Variants in LDB2 observed in about 807,000 individuals in gnomAD.
LDB2 encodes LIM domain-binding protein 2.
In LDB2, 12 loss-of-function variants were observed where a neutral mutation model predicts 44.3. That is an observed-to-expected ratio of 0.27 (90% CI 0.17 to 0.44). The LOEUF is 0.44. Ranked by LOEUF, LDB2 falls within the 20% of genes least tolerant of loss-of-function variation. The pLI, the probability that LDB2 is intolerant of heterozygous loss-of-function variation, is 1.00. For synonymous variants in LDB2, 164 were observed against 174.8 expected (o/e 0.94, Z 0.49); for missense variants, 344 against 473.5 (o/e 0.73, Z 2.54).
At position 16,880,732 on chromosome 4, in the gene LDB2, G is replaced by A. The variant is rs185258101; in HGVS notation, c.132+17622C>T. On this transcript the variant is annotated intron_variant, in intron 1 of 7. Transcript: ENST00000304523. ...CATCCTGGCTAACACAGTGAAATCC[G>A]TCTCTACTAAAAATACAAAAAATTA... 2.7e-3 allele frequency among the ~76,000 whole-genome samples: 415 copies of A among 151,944 alleles called. 3 individuals are homozygous for A. The highest frequency in any genetic ancestry group is 9.5e-3 in the African/African-American group (395 of 41,470).
At chr4:16,763,528 A>T (rs185578866) in intron 1 of LDB2, among the ~76,000 whole-genome samples, 20 of 151,736 alleles carry the variant, frequency 1.3e-4, no homozygotes, top group African/African-American at 4.8e-4. Context: ...TATTTAGGAA[A>T]GGAATAAAAG....
chr4:16,824,017 G>A (rs1169970192), intron 1 of LDB2, among the ~76,000 whole-genome samples: 2 of 152,282 alleles, frequency 1.3e-5, no homozygotes, highest in South Asian at 2.1e-4. Flanking sequence ...GTTACTGTGC[G>A]GCACTGCAAA....
At chr4:16,572,570 T>G (rs1000946852) in intron 5 of LDB2, among the ~76,000 whole-genome samples, 6 of 152,206 alleles carry the variant, frequency 3.9e-5, no homozygotes, top group Non-Finnish European at 7.3e-5. Flanking sequence ...TATATGTATT[T>G]GTTGTTTTGT....
At chr4:16,675,668 C>G (rs1560843015) in intron 2 of LDB2, among the ~76,000 whole-genome samples, 1 of 152,022 alleles carries the variant, frequency 6.6e-6, no homozygotes, top group Non-Finnish European at 1.5e-5. Context: ...GCCTTGATCC[C>G]AAAGTCACTC....
intron 2 of LDB2, among the ~76,000 whole-genome samples, chr4:16,601,410 T>C (rs1237274307): frequency 6.6e-6 from 1 of 152,150 alleles, no homozygotes; most frequent in Non-Finnish European, 1.5e-5. Flanking sequence ...GACAATTCAC[T>C]TCCAAGAAAC....
intron 2 of LDB2, among the ~76,000 whole-genome samples, chr4:16,696,915 G>A (rs1752249774): frequency 6.6e-6 from 1 of 151,940 alleles, no homozygotes; most frequent in African/African-American, 2.4e-5. Flanking sequence ...ATATATTTTG[G>A]GGAAAAAGTC....
chr4:16,509,251 T>C (rs1720773052), intron 6 of LDB2, among the ~76,000 whole-genome samples: 2 of 152,146 alleles, frequency 1.3e-5, no homozygotes, highest in Admixed American at 6.6e-5. Context: ...CCATCAGCTG[T>C]GGATGTGGAG....
At chr4:16,530,944 G>T (rs182435203) in intron 5 of LDB2, among the ~76,000 whole-genome samples, 2 of 152,244 alleles carry the variant, frequency 1.3e-5, no homozygotes, top group East Asian at 3.9e-4. Context: ...ATTCATAAAT[G>T]ATCTCATTTT....
chr4:16,564,472 G>C (rs1041705528), intron 5 of LDB2, among the ~76,000 whole-genome samples: 1 of 152,206 alleles, frequency 6.6e-6, no homozygotes, highest in African/African-American at 2.4e-5. Context: ...ATTCAGTGAA[G>C]GGGACCAGCA....
chr4:16,759,115 G>T, intron 2 of LDB2, 43 bp downstream of exon 2: 4 of 1,372,366 alleles, frequency 2.9e-6, no homozygotes, highest in Non-Finnish European at 4.2e-6. Context: ...TTTCTTACAG[G>T]CACAAAACGA....
At chr4:16,725,472 C>T (rs1195154404) in intron 2 of LDB2, among the ~76,000 whole-genome samples, 1 of 152,240 alleles carries the variant, frequency 6.6e-6, no homozygotes, top group East Asian at 1.9e-4. Context: ...GAAGCCGGAT[C>T]CCGCTATCTC....
chr4:16,771,930 G>A (rs191952049), intron 1 of LDB2, among the ~76,000 whole-genome samples: 27 of 152,278 alleles, frequency 1.8e-4, no homozygotes, highest in African/African-American at 4.6e-4. Flanking sequence ...TCTATGGTTC[G>A]TCATTGCTGT....
chr4:16,555,195 G>C (rs1252960380), intron 5 of LDB2, among the ~76,000 whole-genome samples: 2 of 151,476 alleles, frequency 1.3e-5, no homozygotes, highest in African/African-American at 4.9e-5. Context: ...ATTGGTCTGG[G>C]ATGTGGTCTG....
chr4:16,821,768 A>AAAAAAAAAAAAAAAAAAAAAAG (rs1782113007), intron 1 of LDB2, among the ~76,000 whole-genome samples: 1 of 150,204 alleles, frequency 6.7e-6, no homozygotes, highest in Non-Finnish European at 1.5e-5. Flanking sequence ...AAAAAAAAAA[A>AAAAAAAAAAAAAAAAAAAAAAG]AATCAGGAAT....
At chr4:16,728,004 C>T (rs1759890772) in intron 2 of LDB2, among the ~76,000 whole-genome samples, 2 of 152,142 alleles carry the variant, frequency 1.3e-5, no homozygotes, top group Admixed American at 6.6e-5. Context: ...TTTTCCGACT[C>T]ATCTTACTAC....
chr4:16,506,129 C>T, intron 7 of LDB2: 1 of 723,964 alleles, frequency 1.4e-6, no homozygotes, highest in Non-Finnish European at 2.2e-6. Context: ...CTGCAGGTAG[C>T]ATCTCTAGTT....
chr4:16,726,328 T>A (rs893804699), intron 2 of LDB2: 1 of 152,186 alleles, frequency 6.6e-6, no homozygotes, highest in Non-Finnish European at 1.5e-5. Context: ...GAGTCTTGGG[T>A]TCTTACCTCT....
intron 2 of LDB2, among the ~76,000 whole-genome samples, chr4:16,708,971 CAGA>C (rs1380276881): frequency 6.6e-6 from 1 of 152,142 alleles, no homozygotes; most frequent in Non-Finnish European, 1.5e-5. Context: ...ACTTTGGATG[CAGA>C]AGGTGTCCAC....
At chr4:16,634,744 G>A (rs1733066928) in intron 2 of LDB2, among the ~76,000 whole-genome samples, 1 of 152,044 alleles carries the variant, frequency 6.6e-6, no homozygotes, top group Admixed American at 6.5e-5. Flanking sequence ...AATTCCTCAG[G>A]GATCTAGAAC....
Sources: gnomAD v4.1 joint callset for allele counts (sites outside exome capture counted in the v4.1 genomes callset) on GRCh38, gnomAD v4.1.1 for gene constraint, MANE v1.5 for transcripts, NCBI Gene and HGNC (gene_info 2026-07-23, HGNC 2026-07-21) for gene names.